PLA2G7: variants seen among roughly 807,000 people sequenced by gnomAD.
PLA2G7 encodes phospholipase A2 group VII.
Under a neutral mutation model 49.6 loss-of-function variants are expected in PLA2G7, and 63 were observed. The observed-to-expected ratio is 1.27, with a 90% CI of 1.04 to 1.57. The LOEUF (loss-of-function observed/expected upper bound fraction) is 1.57. Among genes scored for constraint, PLA2G7 ranks in the 40% most tolerant of loss-of-function variants. The probability of loss-of-function intolerance (pLI) is 0.00; values close to 1 mark genes in which losing one functional copy is unlikely to be tolerated. For missense variants in PLA2G7, 596 were observed against 521.2 expected, an observed-to-expected ratio of 1.14 and a Z score of -1.40; for synonymous variants, 193 against 169.9, an observed-to-expected ratio of 1.14 and a Z score of -1.06.
At position 46,714,520 on chromosome 6, in the gene PLA2G7, G is replaced by C; in HGVS notation, c.410C>G (p.Pro137Arg). ...TGGATATTTTTCACCAGGCCTCAGA[G>C]GGGAATTCCAGTTTGCAGGAGTTGT... Reference protein sequence around the residue: ...SMTTPANWNSPLRPGEKYPLV... With the variant: ...SMTTPANWNSRLRPGEKYPLV... Residue 137 changes from proline to arginine, a missense_variant, in exon 5 of 12, where the codon CCT (proline) becomes CGT (arginine). By Grantham distance (103) the Pro-to-Arg change is moderately radical (BLOSUM62 -2). Coordinates refer to ENST00000274793, the MANE Select transcript of PLA2G7 (RefSeq NM_005084.4). 1 of 1,612,124 alleles carries C rather than the reference G, an allele frequency of 6.2e-7. No homozygotes were observed.
At chr6:46,707,899 G>T in intron 10 of PLA2G7, 92 bp downstream of exon 10, 1 of 763,364 alleles carries the variant, frequency 1.3e-6, no homozygotes. Flanking sequence ...AACCAATTCA[G>T]CAATTCTTTA....
chr6:46,727,361 C>T (rs1208015312), intron 1 of PLA2G7, among the ~76,000 whole-genome samples: 1 of 152,182 alleles, frequency 6.6e-6, no homozygotes, highest in Admixed American at 6.5e-5. Flanking sequence ...ATAAACCATC[C>T]AAGTAAAACC....
At chr6:46,720,227 T>C (rs1765351201) in intron 2 of PLA2G7, among the ~76,000 whole-genome samples, 4 of 152,208 alleles carry the variant, frequency 2.6e-5, no homozygotes, top group Admixed American at 2.6e-4. Context: ...AGACACTACC[T>C]CTAGAATTGG....
chr6:46,708,654 A>G (rs1413326946), intron 9 of PLA2G7, among the ~76,000 whole-genome samples: 1 of 152,194 alleles, frequency 6.6e-6, no homozygotes, highest in Non-Finnish European at 1.5e-5. Context: ...TATCATTTGA[A>G]GATGAAACTA....
At chr6:46,717,420 C>G (rs1475575282) in intron 2 of PLA2G7, among the ~76,000 whole-genome samples, 3 of 152,202 alleles carry the variant, frequency 2.0e-5, no homozygotes, top group African/African-American at 7.2e-5. Flanking sequence ...TCTGTTTTTC[C>G]TAAACATGAA....
intron 1 of PLA2G7, among the ~76,000 whole-genome samples, chr6:46,725,795 C>A (rs1765554118): frequency 6.6e-6 from 1 of 152,130 alleles, no homozygotes; most frequent in Admixed American, 6.5e-5. Context: ...AGAGGCATTT[C>A]TAGGCTCGAA....
At chr6:46,727,020 C>T (rs925367565) in intron 1 of PLA2G7, among the ~76,000 whole-genome samples, 1 of 152,084 alleles carries the variant, frequency 6.6e-6, no homozygotes, top group Non-Finnish European at 1.5e-5. Flanking sequence ...TTCAATTTGG[C>T]CCCTTGACCA....
chr6:46,708,881 G>A (rs144877464), intron 9 of PLA2G7, among the ~76,000 whole-genome samples: 1 of 151,958 alleles, frequency 6.6e-6, no homozygotes, highest in South Asian at 2.1e-4. Context: ...AGAAAACTGG[G>A]GTCTTGTCCC....
chr6:46,713,923 A>G (rs1003887875), intron 5 of PLA2G7, among the ~76,000 whole-genome samples: 1 of 152,150 alleles, frequency 6.6e-6, no homozygotes, highest in African/African-American at 2.4e-5. Context: ...TGATAAGCAA[A>G]TATAGTCCAG....
At chr6:46,704,837 C>T (rs1764752752) in intron 11 of PLA2G7, 141 bp from the exon 12 acceptor site, 4 of 647,966 alleles carry the variant, frequency 6.2e-6, no homozygotes, top group Admixed American at 5.4e-5. Flanking sequence ...TATCAGCTGC[C>T]TCATGGCTGC....
intron 1 of PLA2G7, among the ~76,000 whole-genome samples, chr6:46,733,713 C>A (rs1210072779): frequency 6.6e-6 from 1 of 152,372 alleles, no homozygotes; most frequent in Non-Finnish European, 1.5e-5. Flanking sequence ...GTGATGGAGG[C>A]TCACCAGTGC....
intron 2 of PLA2G7, among the ~76,000 whole-genome samples, chr6:46,718,520 C>T (rs987136766): frequency 6.6e-6 from 1 of 152,190 alleles, no homozygotes; most frequent in African/African-American, 2.4e-5. Context: ...TTCTTCTTCC[C>T]CTTAAGTTAT....
chr6:46,729,646 C>T (rs530786990), intron 1 of PLA2G7, among the ~76,000 whole-genome samples: 19 of 152,250 alleles, frequency 1.2e-4, no homozygotes, highest in African/African-American at 4.3e-4. Context: ...TAGACCCGGA[C>T]CCTAAAGTAG....
At chr6:46,716,237 G>A in intron 4 of PLA2G7, 147 bp downstream of exon 4, 1 of 781,198 alleles carries the variant, frequency 1.3e-6, no homozygotes, top group African/African-American at 1.9e-5. Context: ...AGTTGCCTGG[G>A]CTTTAAAGAA....
intron 2 of PLA2G7, 121 bp downstream of exon 2, chr6:46,722,662 G>A: frequency 1.4e-6 from 1 of 704,518 alleles, no homozygotes; most frequent in Middle Eastern, 2.4e-4. Context: ...GGAGAATACA[G>A]GATCTCCATA....
Position 46,725,074 on chromosome 6 carries a change from G to A in PLA2G7, c.-34-2149C>T, listed in dbSNP as rs533078765. Among the ~76,000 whole-genome samples, 12 of 152,230 alleles carry A rather than the reference G, an allele frequency of 7.9e-5. No homozygotes were observed. The South Asian group carries it at 1.7e-3, about 21-fold the overall frequency. On this transcript the variant is annotated intron_variant, in intron 1 of 11. Coordinates refer to ENST00000274793, the MANE Select transcript of PLA2G7 (RefSeq NM_005084.4). ...TACAGGAAGAAAGCAAATTACAGGGGCATTTTATAATTCTTAGATGATATG... is the reference window on the plus strand; with the variant it reads ...TACAGGAAGAAAGCAAATTACAGGGACATTTTATAATTCTTAGATGATATG...
Position 46,704,429 on chromosome 6 carries a change from A to C in PLA2G7, c.*131T>G. On this transcript the variant is annotated 3_prime_UTR_variant, in exon 12 of 12. Transcript: ENST00000274793. The stretch of plus-strand genomic sequence containing the variant: ...TTTTAAAATATGAGTCCTTTGGGAA[A>C]ATACATTAAAATTCTCTCTCTCTCT... 2 of 700,932 alleles carry C rather than the reference A, an allele frequency of 2.9e-6. No homozygotes were observed. Among genetic ancestry groups the C allele is most frequent in the Non-Finnish European group, 2.5e-6 (1 of 392,736 alleles). 43.4% of individuals were successfully genotyped at this position (700,932 alleles called of 1,614,324 possible). A position where few individuals can be genotyped will look rare whatever the true frequency, so the allele number is the denominator to read the frequency against.
chr6:46,731,184 G>C (rs1026231513), intron 1 of PLA2G7, among the ~76,000 whole-genome samples: 2 of 152,174 alleles, frequency 1.3e-5, no homozygotes, highest in Non-Finnish European at 2.9e-5. Flanking sequence ...TCTCTGCGAA[G>C]AACGTCACTA....
At chr6:46,712,491 G>T (rs1435283010) in intron 5 of PLA2G7, among the ~76,000 whole-genome samples, 154 bp from the exon 6 acceptor site, 2 of 152,150 alleles carry the variant, frequency 1.3e-5, no homozygotes, top group Non-Finnish European at 2.9e-5. Context: ...GGGTGATTTT[G>T]TTCCTTAGGG....
Sources: allele counts gnomAD v4.1 joint callset (sites outside exome capture counted in the v4.1 genomes callset), GRCh38; gene constraint gnomAD v4.1.1; transcripts MANE v1.5; gene names NCBI Gene and HGNC (gene_info 2026-07-23, HGNC 2026-07-21).